Variants in CACNA1B observed in about 807,000 individuals in gnomAD.
CACNA1B encodes the protein voltage-dependent N-type calcium channel subunit alpha-1B.
Under a neutral mutation model 247.2 loss-of-function variants are expected in CACNA1B, and 70 were observed. That is an observed-to-expected ratio of 0.28 (90% CI 0.23 to 0.35). The LOEUF (loss-of-function observed/expected upper bound fraction) is 0.35. CACNA1B is among the 10% of genes least tolerant of loss of function. The pLI, the probability that CACNA1B is intolerant of heterozygous loss-of-function variation, is 1.00. For synonymous variants in CACNA1B, 1,231 were observed against 1,294.4 expected, an observed-to-expected ratio of 0.95 and a Z score of 1.05; for missense variants, 2,367 against 3,197.4, an observed-to-expected ratio of 0.74 and a Z score of 6.26.
At chr9:137,931,447 T>C (rs1314102542) in intron 6 of CACNA1B, among the ~76,000 whole-genome samples, 1 of 152,178 alleles carries the variant, frequency 6.6e-6, no homozygotes, top group Admixed American at 6.5e-5. Flanking sequence ...GAGTAGCCTC[T>C]TCTTTTGTTA....
At chr9:137,949,025 G>A (rs1957834708) in intron 6 of CACNA1B, among the ~76,000 whole-genome samples, 2 of 140,386 alleles carry the variant, frequency 1.4e-5, no homozygotes, top group South Asian at 4.7e-4. Context: ...TGTGTGTGTG[G>A]TGTATACGTG....
At chr9:137,939,522 G>A (rs1013100013) in intron 6 of CACNA1B, among the ~76,000 whole-genome samples, 16 of 151,930 alleles carry the variant, frequency 1.1e-4, no homozygotes, top group African/African-American at 3.4e-4. Flanking sequence ...AACTGAGGCC[G>A]GATGTGGTGG....
rs182121906 is a variant in CACNA1B, at chr9:138,093,708, C to T, written c.5095-2776C>T. On this transcript the variant is annotated intron_variant, in intron 36 of 46. Coordinates refer to ENST00000371372, the MANE Select transcript of CACNA1B (RefSeq NM_000718.4). The stretch of plus-strand genomic sequence containing the variant: ...TGACCTGAGATCACGCCACTGCACT[C>T]CAGCCTGGGAGACAGAGCAAGACTC... 1.5e-3 allele frequency among the ~76,000 whole-genome samples: 230 copies of T among 151,826 alleles called. 4 individuals carry two copies. The East Asian group carries it at 0.035, about 23-fold the overall frequency.
chr9:138,055,301 T>G (rs1043548922), intron 26 of CACNA1B, among the ~76,000 whole-genome samples: 15 of 152,040 alleles, frequency 9.9e-5, no homozygotes, highest in African/African-American at 3.6e-4. Context: ...GGCTAATTTT[T>G]AAAATTTTTT....
chr9:138,031,775 C>T (rs1308261191), intron 20 of CACNA1B, among the ~76,000 whole-genome samples: 4 of 152,072 alleles, frequency 2.6e-5, no homozygotes, highest in Non-Finnish European at 4.4e-5. Flanking sequence ...ACCTGGTAAT[C>T]TTCTTTGCTC....
intron 6 of CACNA1B, among the ~76,000 whole-genome samples, chr9:137,924,299 GCCTTCCTTCCTTCCTTCTTT>G (rs1957525902): frequency 4.0e-5 from 6 of 150,162 alleles, no homozygotes; most frequent in Admixed American, 2.0e-4. Flanking sequence ...TTGCCTGCCT[GCCTTCCTTCCTTCCTTCTTT>G]CCTTCCTCCC....
In CACNA1B at chr9:137,950,651, A is replaced by G. The variant is rs1957867943; in HGVS notation, c.967-1623A>G. Reference sequence around the variant, plus strand: ...TCCTGCTAGGCTGCCTTGGTTAGGGAGAGCTGGCTTTTGCTGGTACTTTTT... The same window carrying G: ...TCCTGCTAGGCTGCCTTGGTTAGGGGGAGCTGGCTTTTGCTGGTACTTTTT... On this transcript the variant is annotated intron_variant, in intron 6 of 46. Coordinates refer to ENST00000371372, the MANE Select transcript of CACNA1B (RefSeq NM_000718.4). The surrounding 1 kb of genome is among the most constrained non-coding windows in gnomAD (Gnocchi z 4.8). 6.6e-6 allele frequency among the ~76,000 whole-genome samples: 1 copy of G among 152,174 alleles called. No individual in the cohort carries two copies. The highest frequency in any genetic ancestry group is 1.5e-5 in the Non-Finnish European group (1 of 68,030).
chr9:138,022,836 T>C (rs1958864838), intron 18 of CACNA1B, among the ~76,000 whole-genome samples, 175 bp from the exon 19 acceptor site: 1 of 148,964 alleles, frequency 6.7e-6, no homozygotes, highest in African/African-American at 2.4e-5. Context: ...CTGAATTCGG[T>C]TCCCTTGGGC....
rs1198917108 is a variant in CACNA1B at position 138,082,396 on chromosome 9, A to G, written c.5094+4138A>G. ...CTCCAACACAGCCACATGGCAGAAG[A>G]GGATTTACGGACAGAAAAAGGAATA... On this transcript the variant is annotated intron_variant, in intron 36 of 46. Transcript: ENST00000371372. Among the ~76,000 whole-genome samples the G allele has an allele frequency of 2.6e-5, 4 of 151,362 alleles. 1 individual carries two copies. The highest frequency in any genetic ancestry group is 4.2e-4 in the South Asian group (2 of 4,808).
chr9:138,114,920 A>C (rs1961801107), intron 41 of CACNA1B, among the ~76,000 whole-genome samples: 1 of 152,136 alleles, frequency 6.6e-6, no homozygotes, highest in Non-Finnish European at 1.5e-5. Flanking sequence ...TTTGACTGAG[A>C]TGATTTGGGG....
chr9:137,927,773 G>A (rs1023814071), intron 6 of CACNA1B, among the ~76,000 whole-genome samples: 2 of 152,036 alleles, frequency 1.3e-5, no homozygotes, highest in African/African-American at 2.4e-5. Flanking sequence ...TTTCTTTTGA[G>A]GTAGATGCTG....
chr9:137,997,597 A>G (rs1958515056), intron 15 of CACNA1B, among the ~76,000 whole-genome samples: 2 of 152,228 alleles, frequency 1.3e-5, no homozygotes, highest in Admixed American at 1.3e-4. Flanking sequence ...AGTCAGGGAA[A>G]TGCAAATTAA....
chr9:137,917,522 C>A lies in CACNA1B; in HGVS notation c.966+91C>A, dbSNP rs1957425523. On this transcript the variant is annotated intron_variant, in intron 6 of 46. Transcript: ENST00000371372. The surrounding 1 kb of genome is among the most constrained non-coding windows in gnomAD (Gnocchi z 5.5). ...GGTCCATTTAGGGGGGCCCTTCTGA[C>A]CTCAGAGCCTCTGCCCAGCCCTAGG... 2 of 1,120,462 alleles carry A rather than the reference C, an allele frequency of 1.8e-6. No individual in the cohort carries two copies. The highest frequency in any genetic ancestry group is 1.3e-6 in the Non-Finnish European group (1 of 767,602). 69.4% of individuals were successfully genotyped at this position (1,120,462 alleles called of 1,614,324 possible).
Position 138,054,064 on chromosome 9 carries a change from G to A in CACNA1B, c.3968+58G>A, listed in dbSNP as rs193044798. The A allele has an allele frequency of 1.3e-6, 2 of 1,531,912 alleles. No homozygotes were observed. The highest frequency in any genetic ancestry group is 2.3e-5 in the East Asian group (1 of 44,406). 94.9% of individuals were successfully genotyped at this position (1,531,912 alleles called of 1,614,324 possible). On this transcript the variant is annotated intron_variant, in intron 26 of 46. Coordinates refer to ENST00000371372, the MANE Select transcript of CACNA1B (RefSeq NM_000718.4). The surrounding 1 kb of genome is among the most constrained non-coding windows in gnomAD (Gnocchi z 4.6). ...CAGCCCCATGATGCAGACAACACTG[G>A]GAGTTCCCTTGGGACCAGGTGGAGC...
At chr9:138,082,476 G>A (rs961480991) in intron 36 of CACNA1B, among the ~76,000 whole-genome samples, 6 of 151,322 alleles carry the variant, frequency 4.0e-5, no homozygotes, top group Non-Finnish European at 5.9e-5. Context: ...TTACAGCTTA[G>A]CGTTTGCCTT....
chr9:138,024,527 A>T (rs1466800186), intron 19 of CACNA1B, among the ~76,000 whole-genome samples: 5 of 152,188 alleles, frequency 3.3e-5, no homozygotes, highest in Non-Finnish European at 5.9e-5. Flanking sequence ...AGAGTAATTT[A>T]AAAAACGTAC....
Position 138,023,093 on chromosome 9 carries a change from TGC to T in CACNA1B, c.2352_2353del (p.Cys784Ter). 1 of 1,531,498 alleles carries T rather than the reference TGC, an allele frequency of 6.5e-7. No homozygotes were observed. The highest frequency in any genetic ancestry group is 8.7e-7 in the Non-Finnish European group (1 of 1,145,940). The allele number at this position is 1,531,498 out of a possible 1,614,324, so 94.9% of individuals were successfully genotyped here. A position where few individuals can be genotyped will look rare whatever the true frequency, so the allele number is the denominator to read the frequency against. On this transcript the variant is annotated frameshift_variant, in exon 19 of 47. Coordinates refer to ENST00000371372, the MANE Select transcript of CACNA1B (RefSeq NM_000718.4). LOFTEE classifies it high-confidence loss of function. The stretch of plus-strand genomic sequence containing the variant: ...ACGGCTGCAGAACCTGCGGGCCAGC[TGC>T]GAGGCGCTGTACAGCGAGATGGACC... ...QLRLQNLRAS[C>X]EALYSEMDPE...
In CACNA1B at chr9:138,117,984, G is replaced by C. The variant is rs1198130383; in HGVS notation, c.5816G>C (p.Trp1939Ser). 2 of 1,597,012 alleles carry C rather than the reference G, an allele frequency of 1.3e-6. No homozygotes were observed. The highest frequency in any genetic ancestry group is 1.7e-6 in the Non-Finnish European group (2 of 1,170,656). The change falls in exon 43 of 47, where the codon TGG becomes TCG. Residue 1939 changes from tryptophan to serine, a missense_variant. By Grantham distance (177) the Trp-to-Ser change is radical. Transcript: ENST00000371372. ...QESGIKESVS[W>S]GTQRTQDAPH... is the part of the protein sequence containing the mutation. ...AGTGGCATCAAAGAGTCTGTCTCCT[G>C]GGGCACTCAAAGGACCCAGGATGCA...
chr9:138,013,124 A>G lies in CACNA1B; in HGVS notation c.2161-5A>G. 1 of 1,610,842 alleles carries G rather than the reference A, an allele frequency of 6.2e-7. No homozygotes were observed. Among genetic ancestry groups the G allele is most frequent in the Non-Finnish European group, 8.5e-7 (1 of 1,177,196 alleles). Reference sequence around the variant, plus strand: ...GGAACTGGACATTTCTCTTTGCTCAAACAGGATGAAGAGGAGATGGAAGAA... The same window carrying G: ...GGAACTGGACATTTCTCTTTGCTCAGACAGGATGAAGAGGAGATGGAAGAA... On this transcript the variant is annotated splice_polypyrimidine_tract_variant and splice_region_variant and intron_variant, in intron 17 of 46. Transcript: ENST00000371372.
Sources: allele counts gnomAD v4.1 joint callset (sites outside exome capture counted in the v4.1 genomes callset), GRCh38; gene constraint gnomAD v4.1.1; non-coding constraint Gnocchi (gnomAD v3.1); transcripts MANE v1.5; gene names NCBI Gene and HGNC (gene_info 2026-07-23, HGNC 2026-07-21).